LY6S: variants seen among roughly 807,000 people sequenced by gnomAD.
LY6S encodes the protein lymphocyte antigen 6S.
chr8:143,060,409 C>T, the LY6S span, among the ~76,000 whole-genome samples: 18 of 152,348 alleles, frequency 1.2e-4, no homozygotes, highest in African/African-American at 2.4e-4. Context: ...CACCTGGCTC[C>T]GCCTTCTAGA....
chr8:143,065,368 A>G, the LY6S span, among the ~76,000 whole-genome samples: 1 of 152,046 alleles, frequency 6.6e-6, no homozygotes, highest in African/African-American at 2.4e-5. Context: ...CCATGAGCTC[A>G]TTTCCCTTTT....
chr8:143,059,363 G>T, the LY6S span, among the ~76,000 whole-genome samples: 2 of 151,854 alleles, frequency 1.3e-5, no homozygotes, highest in East Asian at 1.9e-4. Flanking sequence ...GATGGTTTTG[G>T]GTAGGCTGTG....
chr8:143,061,512 GGTT>G, the LY6S span, among the ~76,000 whole-genome samples: 109 of 152,158 alleles, frequency 7.2e-4, no homozygotes, highest in East Asian at 0.016. Flanking sequence ...TTGGTTGGTT[GGTT>G]GGTTGGTTGG....
At chr8:143,057,527 C>T in the LY6S span, 497,790 of 838,144 alleles carry the variant, frequency 0.59, 153,845 homozygotes, top group Non-Finnish European at 0.63. Flanking sequence ...GGATTACAGG[C>T]GTGAGCCACT....
chr8:143,047,250 C>T, the LY6S span, among the ~76,000 whole-genome samples: 2 of 151,798 alleles, frequency 1.3e-5, no homozygotes, highest in South Asian at 2.1e-4. Context: ...AGTGATTCTC[C>T]TGCCTCAGCC....
At chr8:143,064,672 T>C in the LY6S span, among the ~76,000 whole-genome samples, 1 of 152,240 alleles carries the variant, frequency 6.6e-6, no homozygotes. Context: ...TCTGTGGGTA[T>C]GCAAAAGAAA....
chr8:143,070,489 A>ATTTTTTTTTTTTTTTTTTTTTT, the LY6S span, among the ~76,000 whole-genome samples: 5 of 81,708 alleles, frequency 6.1e-5, no homozygotes, highest in Admixed American at 1.4e-4. Context: ...ATATATATAT[A>ATTTTTTTTTTTTTTTTTTTTTT]TTTTTTTTTT....
At chr8:143,061,129 A>G in the LY6S span, among the ~76,000 whole-genome samples, 1 of 152,128 alleles carries the variant, frequency 6.6e-6, no homozygotes, top group Non-Finnish European at 1.5e-5. Context: ...TGCTCATTTT[A>G]AAAGGAAGGA....
the LY6S span, among the ~76,000 whole-genome samples, chr8:143,069,730 TA>T: frequency 6.6e-6 from 1 of 152,222 alleles, no homozygotes. Context: ...AGAATCCAGC[TA>T]CTTCCTTTCA....
the LY6S span, chr8:143,044,929 C>T: frequency 4.1e-6 from 4 of 971,840 alleles, no homozygotes; most frequent in African/African-American, 3.4e-5. Context: ...CCACCTGGAC[C>T]TTTGCAATAG....
chr8:143,073,326 A>G, the LY6S span, among the ~76,000 whole-genome samples: 1,869 of 50,082 alleles, frequency 0.037, 8 homozygotes, highest in Middle Eastern at 0.091. Flanking sequence ...GACAGCCGTC[A>G]TCCTCGGGGT....
chr8:143,051,545 CTAA>C, the LY6S span, among the ~76,000 whole-genome samples: 1 of 149,108 alleles, frequency 6.7e-6, no homozygotes, highest in Non-Finnish European at 1.5e-5. Flanking sequence ...TGACTCAAAA[CTAA>C]TAATAATTAA....
chr8:143,066,491 C>A, the LY6S span: 1 of 252,592 alleles, frequency 4.0e-6, no homozygotes, highest in South Asian at 5.2e-5. Context: ...ATGGCCTTGT[C>A]CTTGGCCACA....
At chr8:143,070,485 A>ATTTTTT in the LY6S span, among the ~76,000 whole-genome samples, 4 of 84,822 alleles carry the variant, frequency 4.7e-5, no homozygotes, top group South Asian at 3.5e-4. Flanking sequence ...AAATATATAT[A>ATTTTTT]TATATTTTTT....
the LY6S span, among the ~76,000 whole-genome samples, chr8:143,050,513 T>G: frequency 2.6e-5 from 4 of 151,696 alleles, no homozygotes; most frequent in Non-Finnish European, 5.9e-5. Flanking sequence ...ACCTTCGAGG[T>G]CCTCACTCCC....
the LY6S span, among the ~76,000 whole-genome samples, chr8:143,076,387 G>T: frequency 1.7e-3 from 261 of 152,294 alleles, 8 homozygotes; most frequent in East Asian, 0.045. Flanking sequence ...GAGGGGTCTC[G>T]CTGGGGACGC....
chr8:143,050,982 T>G, the LY6S span, among the ~76,000 whole-genome samples: 1 of 152,334 alleles, frequency 6.6e-6, no homozygotes, highest in Admixed American at 6.5e-5. Flanking sequence ...TTGTCCCTCG[T>G]GCACACACAA....
the LY6S span, among the ~76,000 whole-genome samples, chr8:143,048,470 C>CTTTTTTTTT: frequency 8.0e-6 from 1 of 124,522 alleles, no homozygotes; most frequent in Non-Finnish European, 1.7e-5. Context: ...ACAAAATTTT[C>CTTTTTTTTT]TTTTTTTTTT....
the LY6S span, among the ~76,000 whole-genome samples, chr8:143,046,172 G>C: frequency 9.6e-3 from 1,457 of 152,302 alleles, 14 homozygotes; most frequent in African/African-American, 0.032. Context: ...CTTTATACTA[G>C]AATTGGCAGC....
Sources: allele counts gnomAD v4.1 joint callset (sites outside exome capture counted in the v4.1 genomes callset), GRCh38; gene constraint gnomAD v4.1.1; transcripts MANE v1.5; gene names NCBI Gene and HGNC (gene_info 2026-07-23, HGNC 2026-07-21).